The following CDH12 variants were observed in gnomAD, a reference collection of about 807,000 sequenced individuals.
CDH12 encodes the protein cadherin-12.
Under a neutral mutation model 74.1 loss-of-function variants are expected in CDH12, and 41 were observed. The observed-to-expected ratio is 0.55, with a 90% CI of 0.43 to 0.72. The LOEUF is 0.72. Among genes scored for constraint, CDH12 ranks in the 30% least tolerant of loss-of-function variants. The pLI is 0.00. For missense variants in CDH12, 945 were observed against 977.2 expected (o/e 0.97, Z 0.44); for synonymous variants, 399 against 355.0 (o/e 1.12, Z -1.39).
intron 1 of CDH12, among the ~76,000 whole-genome samples, chr5:22,699,361 A>T (rs1384389015): frequency 6.6e-6 from 1 of 152,260 alleles, no homozygotes; most frequent in Non-Finnish European, 1.5e-5. Flanking sequence ...TAACACGATT[A>T]ACTACAAAGT....
chr5:22,735,415 AATT>A (rs1744637485), intron 1 of CDH12, among the ~76,000 whole-genome samples: 1 of 151,886 alleles, frequency 6.6e-6, no homozygotes. Context: ...TTGGGAGAAA[AATT>A]ATATTTACAT....
At chr5:21,937,477 A>C (rs986743717) in intron 6 of CDH12, among the ~76,000 whole-genome samples, 1 of 152,200 alleles carries the variant, frequency 6.6e-6, no homozygotes, top group Non-Finnish European at 1.5e-5. Flanking sequence ...TAGGGTCATA[A>C]AGGAAGAAAT....
intron 8 of CDH12, among the ~76,000 whole-genome samples, chr5:21,824,514 T>C (rs955449639): frequency 1.3e-5 from 2 of 152,178 alleles, no homozygotes; most frequent in African/African-American, 4.8e-5. Context: ...TTTTCCCTTC[T>C]GCTTACTCAT....
chr5:22,530,840 C>G (rs1737552596), intron 1 of CDH12, among the ~76,000 whole-genome samples: 1 of 151,954 alleles, frequency 6.6e-6, no homozygotes, highest in Non-Finnish European at 1.5e-5. Context: ...TTCCTCATTG[C>G]TGAACAAGGA....
chr5:22,302,009 GGAGA>G (rs36001047), intron 3 of CDH12, among the ~76,000 whole-genome samples: 24 of 145,464 alleles, frequency 1.6e-4, no homozygotes, highest in South Asian at 4.4e-4. Context: ...ATATATATAT[GGAGA>G]GAGAGAGAGA....
chr5:21,767,771 A>C (rs1033575117), intron 11 of CDH12, among the ~76,000 whole-genome samples: 1 of 151,690 alleles, frequency 6.6e-6, no homozygotes, highest in Non-Finnish European at 1.5e-5. Context: ...ACTTTCCATA[A>C]TTAAACATTA....
At chr5:22,371,750 T>C (rs1741301570) in intron 3 of CDH12, among the ~76,000 whole-genome samples, 1 of 152,090 alleles carries the variant, frequency 6.6e-6, no homozygotes, top group African/African-American at 2.4e-5. Context: ...CAAGCACCTA[T>C]TGCAAGACAA....
At chr5:22,640,478 C>T (rs1241558059) in intron 1 of CDH12, among the ~76,000 whole-genome samples, 1 of 152,086 alleles carries the variant, frequency 6.6e-6, no homozygotes, top group African/African-American at 2.4e-5. Flanking sequence ...ACTTCTTTGC[C>T]CTAATCGCAC....
At chr5:22,783,057 G>A (rs1258382536) in intron 1 of CDH12, among the ~76,000 whole-genome samples, 3 of 152,086 alleles carry the variant, frequency 2.0e-5, no homozygotes, top group Non-Finnish European at 4.4e-5. Context: ...ATTAAGGAAT[G>A]CTGTGTGGCT....
intron 9 of CDH12, among the ~76,000 whole-genome samples, chr5:21,809,368 C>T (rs918967334): frequency 6.6e-6 from 1 of 152,068 alleles, no homozygotes; most frequent in Non-Finnish European, 1.5e-5. Flanking sequence ...CAGAGGGTTT[C>T]GTCACATACT....
intron 4 of CDH12, among the ~76,000 whole-genome samples, chr5:22,118,921 G>A (rs1745333659): frequency 6.6e-6 from 1 of 152,078 alleles, no homozygotes. Flanking sequence ...TTGTTAAGCA[G>A]GCCACATGGA....
intron 5 of CDH12, among the ~76,000 whole-genome samples, chr5:22,063,886 A>G (rs1466026511): frequency 6.6e-6 from 1 of 151,948 alleles, no homozygotes; most frequent in East Asian, 1.9e-4. Context: ...TTCCAGCCTG[A>G]TGGCTTACAC....
intron 1 of CDH12, among the ~76,000 whole-genome samples, chr5:22,555,875 C>A (rs112719436): frequency 6.6e-6 from 1 of 151,246 alleles, no homozygotes; most frequent in Non-Finnish European, 1.5e-5. Flanking sequence ...CAATCAAGAC[C>A]AAACAAGATA....
At chr5:21,800,222 C>G (rs1042527702) in intron 10 of CDH12, among the ~76,000 whole-genome samples, 2 of 152,062 alleles carry the variant, frequency 1.3e-5, no homozygotes, top group Non-Finnish European at 2.9e-5. Context: ...ATTTGTTTGG[C>G]TTAGATGATA....
intron 3 of CDH12, among the ~76,000 whole-genome samples, chr5:22,370,507 T>C (rs1741237385): frequency 6.6e-6 from 1 of 152,198 alleles, no homozygotes; most frequent in African/African-American, 2.4e-5. Flanking sequence ...TTATAACACA[T>C]AGGTGCCTTT....
intron 2 of CDH12, among the ~76,000 whole-genome samples, chr5:22,486,293 C>A (rs868134696): frequency 8.7e-4 from 133 of 152,190 alleles, no homozygotes; most frequent in African/African-American, 3.0e-3. Context: ...TAAAAGTCAC[C>A]ACCCACTAAC....
At chr5:22,702,238 A>G (rs1335601328) in intron 1 of CDH12, among the ~76,000 whole-genome samples, 1 of 152,162 alleles carries the variant, frequency 6.6e-6, no homozygotes, top group East Asian at 1.9e-4. Flanking sequence ...CTAAGTGGAA[A>G]GACTCCCAGC....
At chr5:22,541,573 A>T (rs1738102846) in intron 1 of CDH12, among the ~76,000 whole-genome samples, 1 of 152,210 alleles carries the variant, frequency 6.6e-6, no homozygotes, top group Non-Finnish European at 1.5e-5. Flanking sequence ...AAGTAAGGTT[A>T]TTCTTGGTAT....
At chr5:22,194,685 G>A (rs1262256898) in intron 4 of CDH12, among the ~76,000 whole-genome samples, 5 of 152,164 alleles carry the variant, frequency 3.3e-5, no homozygotes, top group Admixed American at 2.6e-4. Flanking sequence ...TGGTCTGTCA[G>A]TGCAGTGTGG....
Sources: gnomAD v4.1 joint callset for allele counts (sites outside exome capture counted in the v4.1 genomes callset) on GRCh38, gnomAD v4.1.1 for gene constraint, MANE v1.5 for transcripts, NCBI Gene and HGNC (gene_info 2026-07-23, HGNC 2026-07-21) for gene names.